The following GSE1 variants were observed in gnomAD, a reference collection of about 807,000 sequenced individuals.
The protein encoded by GSE1 is genetic suppressor element 1.
A neutral mutation model predicts 112.6 loss-of-function variants in GSE1; 32 were observed. That is an observed-to-expected ratio of 0.28 (90% CI 0.21 to 0.38). The LOEUF (loss-of-function observed/expected upper bound fraction) is 0.38, where lower values mean the gene tolerates loss of function less well. GSE1 is among the 10% of genes least tolerant of loss of function. The pLI, the probability that GSE1 is intolerant of heterozygous loss-of-function variation, is 1.00. For missense variants in GSE1, 2,348 were observed against 1,699.2 expected (o/e 1.38, Z -6.71); for synonymous variants, 1,115 against 735.6 (o/e 1.52, Z -8.35).
intron 1 of GSE1, among the ~76,000 whole-genome samples, chr16:85,327,721 T>A (rs2046255301): frequency 6.6e-6 from 1 of 152,234 alleles, no homozygotes; most frequent in African/African-American, 2.4e-5. Flanking sequence ...GTTTGTTCCA[T>A]CTTTGTGAAA....
At chr16:85,175,269 C>G (rs1334931703) in intron 1 of GSE1, among the ~76,000 whole-genome samples, 3 of 152,158 alleles carry the variant, frequency 2.0e-5, no homozygotes, top group Non-Finnish European at 4.4e-5. Context: ...GTGCCTCCTT[C>G]GCCAGGGCTG....
chr16:85,389,738 C>G (rs1033037365), intron 2 of GSE1, among the ~76,000 whole-genome samples: 37 of 152,132 alleles, frequency 2.4e-4, no homozygotes, highest in Admixed American at 7.2e-4. Context: ...CACTGAAGCC[C>G]TTCCTGCTTG....
chr16:85,357,415 C>A, intron 1 of GSE1: 1 of 1,116,914 alleles, frequency 9.0e-7, no homozygotes, highest in Non-Finnish European at 1.1e-6. Flanking sequence ...TGCATCATCC[C>A]CTGCAGGCAT....
intron 1 of GSE1, among the ~76,000 whole-genome samples, chr16:85,252,915 G>A (rs958201393): frequency 2.0e-5 from 3 of 152,312 alleles, no homozygotes; most frequent in African/African-American, 7.2e-5. Flanking sequence ...CCTTGCAGGG[G>A]CCTTCGTGGA....
At chr16:85,321,414 T>G (rs1316788828) in intron 1 of GSE1, among the ~76,000 whole-genome samples, 1 of 152,106 alleles carries the variant, frequency 6.6e-6, no homozygotes, top group Non-Finnish European at 1.5e-5. Context: ...TATTTTTGTT[T>G]GAAAGGAAGG....
chr16:85,461,576 C>T (rs1259818456), intron 2 of GSE1, among the ~76,000 whole-genome samples: 1 of 152,104 alleles, frequency 6.6e-6, no homozygotes, highest in African/African-American at 2.4e-5. Flanking sequence ...GGTTCGAGAC[C>T]CCCTGGTGTA....
At chr16:85,601,565 C>T (rs1005200902) in intron 1 of GSE1, among the ~76,000 whole-genome samples, 18 of 152,218 alleles carry the variant, frequency 1.2e-4, no homozygotes, top group African/African-American at 3.6e-4. Flanking sequence ...CGCTCACCTT[C>T]AGCGCGGGGC....
At chr16:85,567,053 C>T (rs968612525) in intron 1 of GSE1, among the ~76,000 whole-genome samples, 1 of 150,080 alleles carries the variant, frequency 6.7e-6, no homozygotes, top group African/African-American at 2.4e-5. Context: ...CCCACCCCCA[C>T]CCCCACCCCC....
At chr16:85,281,268 A>AG (rs1379482464) in intron 1 of GSE1, among the ~76,000 whole-genome samples, 1 of 152,016 alleles carries the variant, frequency 6.6e-6, no homozygotes, top group Non-Finnish European at 1.5e-5. Context: ...TGGGGACACA[A>AG]GAGGCCCTCT....
chr16:85,614,873 C>G (rs927750818), intron 1 of GSE1, among the ~76,000 whole-genome samples: 2 of 152,168 alleles, frequency 1.3e-5, no homozygotes, highest in Non-Finnish European at 2.9e-5. Context: ...GTAAAAGGCG[C>G]CTGAACAAAA....
chr16:85,467,506 C>A (rs574099762), intron 2 of GSE1, among the ~76,000 whole-genome samples: 1 of 152,072 alleles, frequency 6.6e-6, no homozygotes, highest in Non-Finnish European at 1.5e-5. Context: ...AGCATCTTGC[C>A]GATTCCCTAC....
At position 85,243,396 on chromosome 16, in the gene GSE1, G is replaced by A. The variant is rs555367657; in HGVS notation, c.2283+71589G>A. ...ACGGGCAGTGGGGCTTACCCCAAAC[G>A]GGGACACACACTCCTTTGCTCACAG... On this transcript the variant is annotated intron_variant, in intron 1 of 2. Transcript: ENST00000637419. Among the ~76,000 whole-genome samples the A allele has an allele frequency of 3.9e-5, 6 of 152,332 alleles. 1 individual carries two copies. The South Asian group carries it at 8.3e-4, about 21-fold the overall frequency.
intron 1 of GSE1, among the ~76,000 whole-genome samples, chr16:85,628,150 T>C (rs1388203864): frequency 1.3e-5 from 2 of 152,186 alleles, no homozygotes; most frequent in Non-Finnish European, 2.9e-5. Flanking sequence ...TCAAGGGAGC[T>C]GCGCCCGGCT....
At chr16:85,262,903 T>C (rs1464451496) in intron 1 of GSE1, among the ~76,000 whole-genome samples, 1 of 152,224 alleles carries the variant, frequency 6.6e-6, no homozygotes, top group Non-Finnish European at 1.5e-5. Flanking sequence ...CTACCGACTG[T>C]ATGCCAGGCC....
Position 85,226,816 on chromosome 16 carries a change from T to C in GSE1, c.2283+55009T>C, listed in dbSNP as rs190913087. 9.5e-3 allele frequency among the ~76,000 whole-genome samples: 1,078 copies of C among 113,136 alleles called. 11 individuals are homozygous for C. The highest frequency in any genetic ancestry group is 0.013 in the Non-Finnish European group (707 of 54,468). 74.2% of individuals were successfully genotyped at this position (113,136 alleles called of 152,430 possible). On this transcript the variant is annotated intron_variant, in intron 1 of 2. Transcript: ENST00000637419. Reference sequence around the variant, plus strand: ...GTGTGTGTGTGTGTGTGTGTGTGTGTGAAGGAGGACGAAGGAGCTAGCACC... The same window carrying C: ...GTGTGTGTGTGTGTGTGTGTGTGTGCGAAGGAGGACGAAGGAGCTAGCACC...
chr16:85,185,381 T>A (rs1015300420), intron 1 of GSE1: 1 of 152,338 alleles, frequency 6.6e-6, no homozygotes, highest in Non-Finnish European at 1.5e-5. Flanking sequence ...TCCCAGTGAC[T>A]TTCTGGTTTC....
In GSE1 at chr16:85,587,175, C is replaced by A. The variant is rs571560100; in HGVS notation, c.37+30812C>A. Among the ~76,000 whole-genome samples the A allele has an allele frequency of 5.3e-4, 79 of 150,438 alleles. 1 individual carries two copies. The highest frequency in any genetic ancestry group is 1.5e-3 in the African/African-American group (61 of 41,248). On this transcript the variant is annotated intron_variant, in intron 1 of 2. Transcript: ENST00000635906. ...CTCTGGTCTGAGGACGAAACCCCCC[C>A]CCCCCCAGACCAGACCCCATGGTCT...
chr16:85,355,815 G>A (rs1488873450), intron 1 of GSE1, among the ~76,000 whole-genome samples: 1 of 152,176 alleles, frequency 6.6e-6, no homozygotes. Context: ...GAGGTCAGGA[G>A]TTCGAAACCA....
intron 2 of GSE1, among the ~76,000 whole-genome samples, chr16:85,497,965 G>A (rs992591896): frequency 6.6e-6 from 1 of 152,122 alleles, no homozygotes; most frequent in Non-Finnish European, 1.5e-5. Context: ...TGTCAGCTGG[G>A]AGGTGGGGGA....
Sources: gnomAD v4.1 joint callset for allele counts (sites outside exome capture counted in the v4.1 genomes callset) on GRCh38, gnomAD v4.1.1 for gene constraint, MANE v1.5 for transcripts, NCBI Gene and HGNC (gene_info 2026-07-23, HGNC 2026-07-21) for gene names.